Variants in ARMH3 observed in about 807,000 individuals in gnomAD.
The protein encoded by ARMH3 is armadillo-like helical domain-containing protein 3.
ARMH3 carries 60 observed loss-of-function variants against 99.1 expected under a neutral mutation model. The observed-to-expected ratio is 0.61, with a 90% CI of 0.49 to 0.75. The LOEUF is 0.75. Among genes scored for constraint, ARMH3 ranks in the 30% least tolerant of loss-of-function variants. The pLI is 0.00. For missense variants in ARMH3, 679 were observed against 843.1 expected (o/e 0.81, Z 2.41); for synonymous variants, 285 against 292.8 (o/e 0.97, Z 0.27).
intron 25 of ARMH3, among the ~76,000 whole-genome samples, chr10:101,847,991 C>G (rs1465752230): frequency 3.3e-5 from 5 of 152,102 alleles, no homozygotes; most frequent in African/African-American, 1.2e-4. Flanking sequence ...GAAACTGAGG[C>G]CAGAAGACTC....
chr10:102,032,470 G>A (rs1402291618), intron 4 of ARMH3, among the ~76,000 whole-genome samples: 1 of 152,000 alleles, frequency 6.6e-6, no homozygotes, highest in African/African-American at 2.4e-5. Context: ...GTGCAATCTC[G>A]GCTCACTGCA....
intron 24 of ARMH3, 49 bp downstream of exon 24, chr10:101,889,363 G>T (rs1366270295): frequency 3.9e-6 from 6 of 1,525,964 alleles, no homozygotes; most frequent in South Asian, 1.1e-5. Flanking sequence ...GAAGGCAACT[G>T]CTTGATCCTA....
At chr10:102,004,697 C>T (rs921993960) in intron 14 of ARMH3, among the ~76,000 whole-genome samples, 2 of 152,122 alleles carry the variant, frequency 1.3e-5, no homozygotes, top group African/African-American at 4.8e-5. Flanking sequence ...AGAGAAAGTA[C>T]TGTATTTCCA....
At chr10:101,889,335 T>A (rs944286472) in intron 24 of ARMH3, 77 bp downstream of exon 24, 1 of 1,364,362 alleles carries the variant, frequency 7.3e-7, no homozygotes, top group Admixed American at 1.7e-5. Context: ...AGTCACAGAA[T>A]CCCCCTGCCA....
At chr10:102,027,241 T>C (rs527983180) in intron 5 of ARMH3, among the ~76,000 whole-genome samples, 2 of 138,920 alleles carry the variant, frequency 1.4e-5, no homozygotes, top group East Asian at 4.2e-4. Flanking sequence ...ATTGCACCAC[T>C]GGACTCCAGC....
chr10:101,995,148 GGA>G (rs1846997607), intron 16 of ARMH3, 147 bp downstream of exon 16: 11 of 686,972 alleles, frequency 1.6e-5, no homozygotes, highest in Non-Finnish European at 2.8e-5. Flanking sequence ...CACTCTAGTG[GGA>G]GAAGACAGAT....
At chr10:102,007,760 G>GAGGCA (rs987719697) in intron 13 of ARMH3, among the ~76,000 whole-genome samples, 4 of 149,164 alleles carry the variant, frequency 2.7e-5, no homozygotes, top group Admixed American at 1.3e-4. Flanking sequence ...GTGAACCCGG[G>GAGGCA]AGGCAGAGCT....
intron 24 of ARMH3, among the ~76,000 whole-genome samples, chr10:101,878,785 T>C (rs1490823066): frequency 6.6e-6 from 1 of 151,918 alleles, no homozygotes; most frequent in African/African-American, 2.4e-5. Flanking sequence ...TATAATTGTG[T>C]TACTGCACTC....
intron 4 of ARMH3, among the ~76,000 whole-genome samples, chr10:102,031,031 C>T (rs752136532): frequency 1.3e-5 from 2 of 151,710 alleles, no homozygotes; most frequent in Non-Finnish European, 2.9e-5. Flanking sequence ...TGATCTGCCC[C>T]CCTCAGCCTC....
intron 23 of ARMH3, among the ~76,000 whole-genome samples, chr10:101,919,009 T>C (rs751921708): frequency 6.6e-6 from 1 of 152,182 alleles, no homozygotes; most frequent in Non-Finnish European, 1.5e-5. Context: ...GTCAAATCTA[T>C]AGATAATTAA....
chr10:101,920,942 A>T (rs974424421), intron 23 of ARMH3, among the ~76,000 whole-genome samples: 6 of 152,304 alleles, frequency 3.9e-5, no homozygotes, highest in Admixed American at 2.0e-4. Flanking sequence ...TAAAATAGTT[A>T]AATTTATAGA....
chr10:101,878,889 T>C (rs796693839), intron 24 of ARMH3, among the ~76,000 whole-genome samples: 10 of 152,260 alleles, frequency 6.6e-5, no homozygotes, highest in African/African-American at 2.4e-4. Context: ...AGAAACTTTA[T>C]TTCTCATAGG....
At chr10:102,045,691 T>C (rs578041053) in intron 1 of ARMH3, among the ~76,000 whole-genome samples, 91 of 152,230 alleles carry the variant, frequency 6.0e-4, no homozygotes, top group African/African-American at 2.1e-3. Flanking sequence ...CAAATATCCA[T>C]CAGCAGTAAA....
At chr10:101,901,205 T>C (rs1247971448) in intron 23 of ARMH3, among the ~76,000 whole-genome samples, 1 of 147,922 alleles carries the variant, frequency 6.8e-6, no homozygotes, top group African/African-American at 2.5e-5. Context: ...GTGGGCCATA[T>C]GGATTCCATA....
chr10:101,870,968 C>T, intron 24 of ARMH3, among the ~76,000 whole-genome samples: 1 of 151,450 alleles, frequency 6.6e-6, no homozygotes, highest in Middle Eastern at 3.2e-3. Flanking sequence ...AACAAACAAC[C>T]AAAAAACCCA....
rs954933846 is a variant in ARMH3 at position 101,908,155 on chromosome 10, T to C, written c.1782-18665A>G. ...TTAAATTTTGTTCCACTAAATACAATTGTATTGTTTTGGTAGGGCTACATT... is the reference window on the plus strand; with the variant it reads ...TTAAATTTTGTTCCACTAAATACAACTGTATTGTTTTGGTAGGGCTACATT... On this transcript the variant is annotated intron_variant, in intron 23 of 25. Transcript: ENST00000370033. Among the ~76,000 whole-genome samples, 6 of 152,312 alleles carry C rather than the reference T, an allele frequency of 3.9e-5. 1 individual carries two copies. In the South Asian group the frequency reaches 6.2e-4, roughly 16 times the overall value.
Position 101,847,602 on chromosome 10 carries a change from T to G in ARMH3, c.1996A>C (p.Asn666His), listed in dbSNP as rs1413408618. Residue 666 changes from asparagine to histidine, a missense_variant, in exon 26 of 26, where the codon AAC (asparagine) becomes CAC (histidine). By Grantham distance (68) the Asn-to-His change is moderately conservative (BLOSUM62 1). Around this residue, in one of 3 missense-constraint regions of ARMH3, gnomAD observed 389 missense variants for 456.5 expected, o/e 0.85. Transcript: ENST00000370033. ...TGGAAGGCCAGGTTTCTCCGGACGTTGGTGCTAATGGATCGAACCTGGGAA... is the reference window on the plus strand; with the variant it reads ...TGGAAGGCCAGGTTTCTCCGGACGTGGGTGCTAATGGATCGAACCTGGGAA... ...FKELVRSIST[N>H]VRRNLAFHTL... is the part of the protein sequence containing the mutation. 1.2e-6 allele frequency: 2 copies of G among 1,614,140 alleles called. No individual in the cohort carries two copies. The highest frequency in any genetic ancestry group is 4.5e-5 in the East Asian group (2 of 44,878).
intron 24 of ARMH3, among the ~76,000 whole-genome samples, chr10:101,866,874 G>T (rs1051269514): frequency 6.6e-6 from 1 of 152,134 alleles, no homozygotes; most frequent in African/African-American, 2.4e-5. Flanking sequence ...AAATCACTGA[G>T]ATAGCAAGAC....
At chr10:101,948,236 A>C (rs1844636866) in intron 22 of ARMH3, among the ~76,000 whole-genome samples, 1 of 152,184 alleles carries the variant, frequency 6.6e-6, no homozygotes, top group African/African-American at 2.4e-5. Flanking sequence ...CTAACAGGAA[A>C]ATATATAAGC....
Sources: allele counts gnomAD v4.1 joint callset (sites outside exome capture counted in the v4.1 genomes callset), GRCh38; gene constraint gnomAD v4.1.1; regional missense constraint gnomAD v4.1.1; transcripts MANE v1.5; gene names NCBI Gene and HGNC (gene_info 2026-07-23, HGNC 2026-07-21).